Variants in MYT1L observed in about 807,000 individuals in gnomAD.
MYT1L encodes the protein myelin transcription factor 1-like protein.
MYT1L carries 12 observed loss-of-function variants against 126.7 expected under a neutral mutation model. That is an observed-to-expected ratio of 0.09 (90% CI 0.06 to 0.15). The LOEUF is 0.15. MYT1L is among the 10% of genes least tolerant of loss of function. MYT1L has a pLI of 1.00. For synonymous variants in MYT1L, 541 were observed against 604.2 expected (o/e 0.90, Z 1.53); for missense variants, 979 against 1,585.2 (o/e 0.62, Z 6.49).
intron 14 of MYT1L, among the ~76,000 whole-genome samples, chr2:1,897,270 T>C (rs2049716887): frequency 6.6e-6 from 1 of 152,184 alleles, no homozygotes; most frequent in South Asian, 2.1e-4. Context: ...CATGCCAGTA[T>C]CTTTTGGACC....
At chr2:1,830,542 G>A (rs140622476) in intron 21 of MYT1L, among the ~76,000 whole-genome samples, 19 of 127,892 alleles carry the variant, frequency 1.5e-4, no homozygotes, top group African/African-American at 4.2e-4. Context: ...CTCGGCACCC[G>A]GAAGGGCTCA....
chr2:1,903,834 C>T (rs1271473216), intron 13 of MYT1L, among the ~76,000 whole-genome samples: 2 of 151,890 alleles, frequency 1.3e-5, no homozygotes, highest in African/African-American at 2.4e-5. Flanking sequence ...ATGCATTCAA[C>T]GTTTTTATCT....
chr2:2,191,064 C>T (rs528476691), intron 2 of MYT1L, among the ~76,000 whole-genome samples: 7 of 152,334 alleles, frequency 4.6e-5, no homozygotes, highest in East Asian at 1.9e-4. Flanking sequence ...GGATTACAGG[C>T]GTGGGCCACC....
chr2:2,154,801 C>T (rs1457320397), intron 3 of MYT1L, among the ~76,000 whole-genome samples: 1 of 152,150 alleles, frequency 6.6e-6, no homozygotes, highest in East Asian at 1.9e-4. Flanking sequence ...ATGGAACAAA[C>T]CTGCACATGT....
chr2:1,892,256 G>T lies in MYT1L; in HGVS notation c.2064C>A (p.Ser688Arg), dbSNP rs1278014400. ...AKRYCKDPSP[S>R]SSSTSSYAPS... Reference sequence around the variant, plus strand: ...GCGCGTAGCTGCTGGTGCTGCTGCTGCTGGGGCTGGGGTCCTTGCAGTACC... The same window carrying T: ...GCGCGTAGCTGCTGGTGCTGCTGCTTCTGGGGCTGGGGTCCTTGCAGTACC... Residue 688 changes from serine (S) to arginine (R), a missense_variant, in exon 15 of 25, where the codon AGC becomes AGA. By Grantham distance (110) the Ser-to-Arg change is moderately radical. Coordinates refer to ENST00000647738, the MANE Select transcript of MYT1L (RefSeq NM_001303052.2). The T allele has an allele frequency of 4.5e-6, 7 of 1,549,380 alleles. No individual in the cohort carries two copies. Among genetic ancestry groups the T allele is most frequent in the Non-Finnish European group, 5.2e-6 (6 of 1,146,500 alleles).
chr2:1,924,657 C>G (rs2149121491), intron 9 of MYT1L, among the ~76,000 whole-genome samples: 1 of 152,294 alleles, frequency 6.6e-6, no homozygotes, highest in South Asian at 2.1e-4. Context: ...ATCTGACACA[C>G]CTTTCTAAAC....
chr2:2,179,957 G>A (rs953003270), intron 2 of MYT1L, among the ~76,000 whole-genome samples: 5 of 152,144 alleles, frequency 3.3e-5, no homozygotes, highest in Non-Finnish European at 7.3e-5. Flanking sequence ...TCAGGAGGAG[G>A]CTGTTCCTCT....
chr2:1,795,928 G>A (rs754428098), intron 23 of MYT1L, among the ~76,000 whole-genome samples: 1 of 152,108 alleles, frequency 6.6e-6, no homozygotes, highest in Non-Finnish European at 1.5e-5. Context: ...CTTAGATTGC[G>A]CAGTCTCTGA....
chr2:1,868,593 G>A (rs2045890638), intron 18 of MYT1L, among the ~76,000 whole-genome samples: 2 of 152,178 alleles, frequency 1.3e-5, no homozygotes, highest in Non-Finnish European at 1.5e-5. Context: ...CAGGGCAGGC[G>A]TCCCCAGCCA....
intron 18 of MYT1L, among the ~76,000 whole-genome samples, chr2:1,883,025 A>G (rs11683610): frequency 0.42 from 63,513 of 152,072 alleles, 15,258 homozygotes; most frequent in African/African-American, 0.67. Flanking sequence ...GTACGGGACC[A>G]TCGCAAGGCC....
chr2:1,833,732 C>T (rs2040481693), intron 21 of MYT1L, among the ~76,000 whole-genome samples: 1 of 152,240 alleles, frequency 6.6e-6, no homozygotes, highest in Non-Finnish European at 1.5e-5. Context: ...ATCTTAGACA[C>T]TGCTTTTCTA....
At chr2:1,994,413 G>A (rs2061673689) in intron 5 of MYT1L, among the ~76,000 whole-genome samples, 1 of 152,154 alleles carries the variant, frequency 6.6e-6, no homozygotes, top group African/African-American at 2.4e-5. Flanking sequence ...GGGGGGCTCA[G>A]CCCTGGTTCA....
chr2:2,287,243 G>A (rs763138740), intron 1 of MYT1L, among the ~76,000 whole-genome samples: 22 of 151,730 alleles, frequency 1.4e-4, no homozygotes, highest in African/African-American at 7.3e-5. Flanking sequence ...CAACAAGAGC[G>A]AAACTCCGTC....
chr2:1,905,955 T>C (rs890395949), intron 13 of MYT1L, among the ~76,000 whole-genome samples: 4 of 152,236 alleles, frequency 2.6e-5, no homozygotes, highest in African/African-American at 7.2e-5. Context: ...CTTGAGTCCT[T>C]GCTCTCTTCC....
rs537145132 is a variant in MYT1L at position 2,059,786 on chromosome 2, G to A, written c.-303-5663C>T. ...GTTCTATAGATAAATAATTATAAAC[G>A]GATGACTGTCACTGAAAATGTGGTG... On this transcript the variant is annotated intron_variant, in intron 3 of 24. Transcript: ENST00000647738. The surrounding 1 kb of genome is among the most constrained non-coding windows in gnomAD (Gnocchi z 4.7). 2.0e-5 allele frequency among the ~76,000 whole-genome samples: 3 copies of A among 152,210 alleles called. No individual in the cohort carries two copies. Among genetic ancestry groups the A allele is most frequent in the East Asian group, 3.9e-4 (2 of 5,174 alleles).
At chr2:1,987,134 A>G (rs553108974) in intron 5 of MYT1L, among the ~76,000 whole-genome samples, 5 of 152,148 alleles carry the variant, frequency 3.3e-5, no homozygotes, top group Non-Finnish European at 7.3e-5. Context: ...TCTTGCCAGC[A>G]AGTTCTGGGA....
intron 2 of MYT1L, among the ~76,000 whole-genome samples, chr2:2,186,414 T>G (rs549357694): frequency 6.6e-6 from 1 of 152,370 alleles, no homozygotes; most frequent in South Asian, 2.1e-4. Flanking sequence ...TTTTTCGTTT[T>G]TTGAAGCCAA....
At chr2:2,309,948 A>G (rs2095933054) in intron 1 of MYT1L, among the ~76,000 whole-genome samples, 1 of 151,218 alleles carries the variant, frequency 6.6e-6, no homozygotes, top group African/African-American at 2.5e-5. Flanking sequence ...ACACTTCAGT[A>G]TACTCTATCT....
In MYT1L at chr2:1,951,328, G is replaced by C. The variant is rs2057731781; in HGVS notation, c.153-7994C>G. 2.6e-5 allele frequency among the ~76,000 whole-genome samples: 4 copies of C among 152,156 alleles called. No homozygotes were observed. In the South Asian group the frequency reaches 8.3e-4, roughly 32 times the overall value. ...GACACAGGGGTTTGGGGACTGGGGA[G>C]GGAAGAAGGGGCCAGCAGAGGGGAC... On this transcript the variant is annotated intron_variant, in intron 8 of 24. Coordinates refer to ENST00000647738, the MANE Select transcript of MYT1L (RefSeq NM_001303052.2).
Sources: gnomAD v4.1 joint callset for allele counts (sites outside exome capture counted in the v4.1 genomes callset) on GRCh38, gnomAD v4.1.1 for gene constraint, Gnocchi (gnomAD v3.1) non-coding constraint, MANE v1.5 for transcripts, NCBI Gene and HGNC (gene_info 2026-07-23, HGNC 2026-07-21) for gene names.